Variants in EPM2A observed in about 807,000 individuals in gnomAD.
EPM2A encodes the protein laforin.
A neutral mutation model predicts 26.5 loss-of-function variants in EPM2A; 21 were observed. The ratio of observed to expected loss-of-function variants is 0.79; its 90% CI spans 0.56 to 1.14. The LOEUF (loss-of-function observed/expected upper bound fraction) is 1.14, where lower values mean the gene tolerates loss of function less well. EPM2A is among the 50% of genes most tolerant of loss of function. The pLI is 0.00. For missense variants in EPM2A, 458 were observed against 440.8 expected, an observed-to-expected ratio of 1.04 and a Z score of -0.35; for synonymous variants, 217 against 177.6, an observed-to-expected ratio of 1.22 and a Z score of -1.76.
intron 2 of EPM2A, among the ~76,000 whole-genome samples, chr6:145,662,948 G>A (rs753181937): frequency 5.3e-5 from 8 of 152,122 alleles, no homozygotes; most frequent in Non-Finnish European, 8.8e-5. Context: ...AGACCTTGGA[G>A]AGGTCAACAT....
rs558166079 is a variant in EPM2A at position 145,406,808 on chromosome 6, G to A, written c.556-22711C>T. On this transcript the variant is annotated intron_variant, in intron 4 of 4. Transcript: ENST00000638717. ...CCACCAACAACATCAACATCACCTGGGAAGTCATTAGAAATGCAAATCCTT... is the reference window on the plus strand; with the variant it reads ...CCACCAACAACATCAACATCACCTGAGAAGTCATTAGAAATGCAAATCCTT... Among the ~76,000 whole-genome samples the A allele has an allele frequency of 3.9e-5, 6 of 152,220 alleles. No individual in the cohort carries two copies. In the East Asian group the frequency reaches 1.2e-3, roughly 29 times the overall value.
At chr6:145,720,526 G>A (rs780633039) in intron 1 of EPM2A, among the ~76,000 whole-genome samples, 6 of 152,080 alleles carry the variant, frequency 3.9e-5, no homozygotes, top group South Asian at 4.1e-4. Flanking sequence ...GCTCTAAATC[G>A]AAGATGATGG....
intron 4 of EPM2A, among the ~76,000 whole-genome samples, chr6:145,480,338 T>C (rs1021145078): frequency 3.3e-5 from 5 of 151,940 alleles, no homozygotes; most frequent in Admixed American, 3.3e-4. Context: ...TGCTACACAC[T>C]TTTAAACAAG....
intron 2 of EPM2A, among the ~76,000 whole-genome samples, chr6:145,527,171 T>A (rs560465002): frequency 7.9e-5 from 12 of 151,886 alleles, no homozygotes; most frequent in South Asian, 6.2e-4. Context: ...TTTTGATTTT[T>A]AAAAAAAAAT....
intron 2 of EPM2A, among the ~76,000 whole-genome samples, chr6:145,685,748 T>C (rs1648986080): frequency 1.3e-5 from 2 of 152,200 alleles, no homozygotes; most frequent in South Asian, 4.1e-4. Context: ...GATAAGATTG[T>C]ATAAGGAAAT....
chr6:145,421,077 A>G (rs1778775099), intron 4 of EPM2A, among the ~76,000 whole-genome samples: 1 of 152,202 alleles, frequency 6.6e-6, no homozygotes, highest in African/African-American at 2.4e-5. Context: ...GAATTGACCT[A>G]AGCAAATTCT....
intron 4 of EPM2A, among the ~76,000 whole-genome samples, chr6:145,467,891 T>C (rs1252360009): frequency 6.6e-6 from 1 of 152,112 alleles, no homozygotes; most frequent in African/African-American, 2.4e-5. Flanking sequence ...CATGTTCTAA[T>C]TGATTATTAC....
At chr6:145,525,718 G>C (rs75825175) in intron 2 of EPM2A, among the ~76,000 whole-genome samples, 11 of 152,074 alleles carry the variant, frequency 7.2e-5, no homozygotes, top group Admixed American at 2.0e-4. Flanking sequence ...GATTTTCTAG[G>C]TATGGAATAA....
chr6:145,413,612 G>A (rs1324925691), intron 4 of EPM2A, among the ~76,000 whole-genome samples: 3 of 151,986 alleles, frequency 2.0e-5, no homozygotes, highest in African/African-American at 4.8e-5. Context: ...GAAATGTTAT[G>A]TTCTTACTGT....
At chr6:145,674,855 C>A (rs987552895) in intron 2 of EPM2A, among the ~76,000 whole-genome samples, 4 of 151,990 alleles carry the variant, frequency 2.6e-5, no homozygotes, top group African/African-American at 9.7e-5. Context: ...AGTTGGAAAA[C>A]ACTCTTCAGG....
intron 1 of EPM2A, among the ~76,000 whole-genome samples, chr6:145,725,104 C>T (rs758690937): frequency 4.0e-5 from 6 of 151,868 alleles, no homozygotes; most frequent in Non-Finnish European, 2.9e-5. Context: ...CCAAAATATA[C>T]ACAGAACTCT....
intron 1 of EPM2A, chr6:145,686,762 A>G (rs977990209): frequency 2.3e-5 from 4 of 172,728 alleles, no homozygotes; most frequent in African/African-American, 9.6e-5. Flanking sequence ...TGCATTAATA[A>G]GTAATAAATG....
downstream of EPM2A, among the ~76,000 whole-genome samples, chr6:145,621,012 A>T (rs1390757430): frequency 6.6e-6 from 1 of 152,178 alleles, no homozygotes. Context: ...TATTATTGTC[A>T]TCATCATGTT....
At chr6:145,562,183 T>C (rs1412707037) in intron 2 of EPM2A, among the ~76,000 whole-genome samples, 1 of 151,012 alleles carries the variant, frequency 6.6e-6, no homozygotes, top group Admixed American at 6.6e-5. Context: ...TCAGTTCAAG[T>C]AATTAACATA....
intron 1 of EPM2A, among the ~76,000 whole-genome samples, chr6:145,716,812 C>A (rs1775653503): frequency 6.6e-6 from 1 of 152,192 alleles, no homozygotes; most frequent in African/African-American, 2.4e-5. Context: ...TCTCCTGTCT[C>A]CCTCACATGG....
At chr6:145,478,281 C>T (rs1049986878) in intron 4 of EPM2A, among the ~76,000 whole-genome samples, 37 of 151,392 alleles carry the variant, frequency 2.4e-4, no homozygotes, top group African/African-American at 8.2e-4. Context: ...GAAGAGGACA[C>T]CAAAAAAAAT....
chr6:145,474,336 C>T (rs1202088340), intron 4 of EPM2A, among the ~76,000 whole-genome samples: 3 of 152,124 alleles, frequency 2.0e-5, no homozygotes, highest in South Asian at 2.1e-4. Flanking sequence ...GTGGTGGGTG[C>T]CTGTAATCCC....
In EPM2A at chr6:145,626,576, C is replaced by T. The variant is rs903758987; in HGVS notation, c.*840G>A. 6 of 985,434 alleles carry T rather than the reference C, an allele frequency of 6.1e-6. No individual in the cohort carries two copies. Among genetic ancestry groups the T allele is most frequent in the Non-Finnish European group, 7.2e-6 (6 of 829,866 alleles). The allele number at this position is 985,434 out of a possible 1,614,324, so 61.0% of individuals were successfully genotyped here. The stretch of plus-strand genomic sequence containing the variant: ...ACCCTGAGAAAGACAAAACTAAATG[C>T]ACTACATGATGCTGGGAAAACAAGT... On this transcript the variant is annotated 3_prime_UTR_variant, in exon 4 of 4. Transcript: ENST00000367519.
intron 2 of EPM2A, among the ~76,000 whole-genome samples, chr6:145,674,325 A>G (rs1779864748): frequency 6.6e-6 from 1 of 152,186 alleles, no homozygotes; most frequent in Non-Finnish European, 1.5e-5. Context: ...AACCACAAAG[A>G]TAGAGAGAAA....
Sources: gnomAD v4.1 joint callset for allele counts (sites outside exome capture counted in the v4.1 genomes callset) on GRCh38, gnomAD v4.1.1 for gene constraint, MANE v1.5 for transcripts, NCBI Gene and HGNC (gene_info 2026-07-23, HGNC 2026-07-21) for gene names.